The following C8orf34 variants were observed in gnomAD, a reference collection of about 807,000 sequenced individuals.
C8orf34 encodes the protein chromosome 8 open reading frame 34, also known as uncharacterized protein C8orf34.
C8orf34 carries 65 observed loss-of-function variants against 68.3 expected under a neutral mutation model. That is an observed-to-expected ratio of 0.95 (90% CI 0.78 to 1.17). The LOEUF (loss-of-function observed/expected upper bound fraction) is 1.17, where lower values mean the gene tolerates loss of function less well. Ranked by LOEUF, C8orf34 falls within the 50% of genes most tolerant of loss-of-function variation. The pLI is 0.00. For missense variants in C8orf34, 664 were observed against 655.4 expected (o/e 1.01, Z -0.14); for synonymous variants, 244 against 241.2 (o/e 1.01, Z -0.11).
At chr8:68,648,483 G>T (rs111721641) in intron 8 of C8orf34, among the ~76,000 whole-genome samples, 1 of 152,126 alleles carries the variant, frequency 6.6e-6, no homozygotes, top group African/African-American at 2.4e-5. Context: ...TTTCTGGAAA[G>T]ACCACCCACT....
intron 3 of C8orf34, among the ~76,000 whole-genome samples, chr8:68,453,107 C>T (rs1324773106): frequency 6.6e-6 from 1 of 151,974 alleles, no homozygotes; most frequent in Non-Finnish European, 1.5e-5. Flanking sequence ...ACTCTCAATT[C>T]CATTCCATTA....
At chr8:68,494,204 G>A (rs750919998) in intron 5 of C8orf34, among the ~76,000 whole-genome samples, 1 of 152,118 alleles carries the variant, frequency 6.6e-6, no homozygotes, top group Non-Finnish European at 1.5e-5. Context: ...TCAAAAAGAA[G>A]GTAATAGTGT....
chr8:68,377,059 A>G (rs979492361), intron 1 of C8orf34, among the ~76,000 whole-genome samples: 3 of 152,024 alleles, frequency 2.0e-5, no homozygotes, highest in Admixed American at 2.0e-4. Context: ...GAGAGGAGGA[A>G]CCTTCATGGA....
intron 7 of C8orf34, among the ~76,000 whole-genome samples, chr8:68,578,986 A>C (rs181466959): frequency 6.6e-6 from 1 of 152,130 alleles, no homozygotes; most frequent in Non-Finnish European, 1.5e-5. Context: ...AAGGCTCAAC[A>C]CAGCACAACT....
At chr8:68,425,923 A>C (rs1368418252) in intron 1 of C8orf34, among the ~76,000 whole-genome samples, 1 of 152,200 alleles carries the variant, frequency 6.6e-6, no homozygotes, top group Non-Finnish European at 1.5e-5. Flanking sequence ...CAATGGAGAA[A>C]GGATACTCTT....
At chr8:68,452,039 G>A (rs1811366970) in intron 3 of C8orf34, among the ~76,000 whole-genome samples, 2 of 151,884 alleles carry the variant, frequency 1.3e-5, no homozygotes, top group Non-Finnish European at 1.5e-5. Flanking sequence ...GTGGTGGTAT[G>A]CACACTACTT....
At chr8:68,636,444 G>T (rs1303464589) in intron 7 of C8orf34, among the ~76,000 whole-genome samples, 3 of 151,856 alleles carry the variant, frequency 2.0e-5, no homozygotes, top group African/African-American at 7.3e-5. Context: ...AATTAGCCAG[G>T]TGTCGTGGTA....
At chr8:68,745,096 A>C (rs982356764) in intron 10 of C8orf34, among the ~76,000 whole-genome samples, 1 of 152,180 alleles carries the variant, frequency 6.6e-6, no homozygotes, top group African/African-American at 2.4e-5. Flanking sequence ...TCTTAAAGAA[A>C]AGAATTTTCA....
intron 12 of C8orf34, among the ~76,000 whole-genome samples, chr8:68,810,222 G>A (rs573272349): frequency 1.9e-4 from 29 of 152,316 alleles, no homozygotes; most frequent in African/African-American, 5.5e-4. Context: ...TAAGGGGTGC[G>A]TGAGTGAGCG....
chr8:68,546,365 A>G (rs192708889), intron 7 of C8orf34, among the ~76,000 whole-genome samples: 68 of 152,136 alleles, frequency 4.5e-4, no homozygotes, highest in African/African-American at 1.5e-3. Flanking sequence ...TAAAGTTAGC[A>G]AAAGAATTAT....
intron 9 of C8orf34, among the ~76,000 whole-genome samples, chr8:68,715,656 A>T (rs971464616): frequency 3.1e-4 from 30 of 98,044 alleles, no homozygotes; most frequent in Non-Finnish European, 1.2e-4. Flanking sequence ...TATAAAAAAT[A>T]AAAAAAAAAA....
At chr8:68,543,541 A>C (rs1815768585) in intron 7 of C8orf34, among the ~76,000 whole-genome samples, 1 of 152,178 alleles carries the variant, frequency 6.6e-6, no homozygotes, top group Admixed American at 6.5e-5. Context: ...AACAATCACA[A>C]ACATACAGTG....
At chr8:68,693,717 C>T (rs1453640227) in intron 8 of C8orf34, among the ~76,000 whole-genome samples, 3 of 152,052 alleles carry the variant, frequency 2.0e-5, no homozygotes, top group Non-Finnish European at 4.4e-5. Flanking sequence ...ACCAGTTGAG[C>T]CTGTGAAAAC....
At chr8:68,424,478 C>A (rs1161832755) in intron 1 of C8orf34, among the ~76,000 whole-genome samples, 1 of 152,078 alleles carries the variant, frequency 6.6e-6, no homozygotes, top group Non-Finnish European at 1.5e-5. Flanking sequence ...AAAGGACAAT[C>A]AACAAAAACC....
At chr8:68,454,228 T>G (rs572329601) in intron 3 of C8orf34, among the ~76,000 whole-genome samples, 1 of 152,238 alleles carries the variant, frequency 6.6e-6, no homozygotes, top group South Asian at 2.1e-4. Flanking sequence ...TGTAATCTTC[T>G]TTTCTGGTAA....
chr8:68,518,886 C>CA (rs56255310), intron 5 of C8orf34, among the ~76,000 whole-genome samples: 15,588 of 78,014 alleles, frequency 0.2, 1,789 homozygotes, highest in East Asian at 0.31. Flanking sequence ...GAGCAAGACT[C>CA]AAAAAAAAAA....
At chr8:68,719,549 A>T (rs1050005673) in intron 9 of C8orf34, among the ~76,000 whole-genome samples, 2 of 152,012 alleles carry the variant, frequency 1.3e-5, no homozygotes, top group Non-Finnish European at 2.9e-5. Flanking sequence ...AAAGCACCTA[A>T]TACAGTGCTT....
At chr8:68,390,167 G>A (rs1019609481) in intron 1 of C8orf34, among the ~76,000 whole-genome samples, 2 of 152,102 alleles carry the variant, frequency 1.3e-5, no homozygotes, top group East Asian at 1.9e-4. Context: ...AGGATGCAGT[G>A]GGCATACACT....
chr8:68,783,071 AAAAAAAAAAG>A, intron 11 of C8orf34, among the ~76,000 whole-genome samples: 1 of 151,628 alleles, frequency 6.6e-6, no homozygotes, highest in East Asian at 1.9e-4. Flanking sequence ...ATGTCTCAAA[AAAAAAAAAAG>A]AAAAAAGAAA....
Sources: gnomAD v4.1 joint callset for allele counts (sites outside exome capture counted in the v4.1 genomes callset) on GRCh38, gnomAD v4.1.1 for gene constraint, MANE v1.5 for transcripts, NCBI Gene and HGNC (gene_info 2026-07-23, HGNC 2026-07-21) for gene names.